The following KDM3B variants were observed in gnomAD, a reference collection of about 807,000 sequenced individuals.
The protein encoded by KDM3B is lysine demethylase 3B.
In KDM3B, 10 loss-of-function variants were observed where a neutral mutation model predicts 170.0. That is an observed-to-expected ratio of 0.06 (90% CI 0.04 to 0.10). The LOEUF is 0.10. KDM3B is among the 10% of genes least tolerant of loss of function. The pLI is 1.00. For synonymous variants in KDM3B, 831 were observed against 834.8 expected, an observed-to-expected ratio of 1.00 and a Z score of 0.08; for missense variants, 1,394 against 2,195.2, an observed-to-expected ratio of 0.64 and a Z score of 7.29.
chr5:138,425,425 G>C lies in KDM3B; in HGVS notation c.4254G>C (p.Ser1418=), dbSNP rs755137534. Residue 1418 remains serine (S), a synonymous_variant, in exon 17 of 24, where the codon TCG becomes TCC. Coordinates refer to ENST00000314358, the MANE Select transcript of KDM3B (RefSeq NM_016604.4). ...TGTTTCCACAGCCAGTGCTGGTTTC[G>C]GGGGTACATAAAAAGCTCAAGTCTG... ...CWKQGQPVLV[S]GVHKKLKSEL... The C allele has an allele frequency of 1.9e-6, 3 of 1,613,558 alleles. No homozygotes were observed. In the African/African-American group the frequency reaches 4.0e-5, roughly 22 times the overall value.
chr5:138,399,800 T>C, intron 10 of KDM3B, 60 bp from the exon 11 acceptor site: 1 of 1,544,816 alleles, frequency 6.5e-7, no homozygotes, highest in Non-Finnish European at 8.9e-7. Flanking sequence ...TCAGTGGGTC[T>C]GGGGTCTTTT....
chr5:138,374,442 T>C, intron 2 of KDM3B: 1 of 290,548 alleles, frequency 3.4e-6, no homozygotes, highest in South Asian at 2.6e-5. Flanking sequence ...GTATTTTTAG[T>C]AGAGACAGGG....
chr5:138,374,576 C>T, intron 2 of KDM3B, among the ~76,000 whole-genome samples: 1 of 152,152 alleles, frequency 6.6e-6, no homozygotes, highest in East Asian at 1.9e-4. Flanking sequence ...TTTTTAAGGC[C>T]ACTTTCCAGT....
intron 11 of KDM3B, among the ~76,000 whole-genome samples, chr5:138,411,545 A>G (rs1306923903): frequency 6.6e-6 from 1 of 152,106 alleles, no homozygotes; most frequent in Admixed American, 6.6e-5. Flanking sequence ...CATATACAAA[A>G]TACTAACTCT....
chr5:138,400,091 G>T, intron 11 of KDM3B, 79 bp downstream of exon 11: 20 of 1,444,048 alleles, frequency 1.4e-5, no homozygotes, highest in South Asian at 1.4e-4. Flanking sequence ...GAAAATTGAG[G>T]CAGGAATGGG....
intron 6 of KDM3B, among the ~76,000 whole-genome samples, chr5:138,384,740 C>CAAA (rs58389517): frequency 5.8e-5 from 5 of 85,926 alleles, no homozygotes; most frequent in African/African-American, 3.8e-5. Flanking sequence ...ACTCTTGTCT[C>CAAA]AAAAAAAAAA....
At position 138,424,809 on chromosome 5, in the gene KDM3B, C is replaced by T. The variant is rs1580954127; in HGVS notation, c.4239+468C>T. Among the ~76,000 whole-genome samples the T allele has an allele frequency of 2.0e-5, 3 of 152,198 alleles. 1 individual carries two copies. In the East Asian group the frequency reaches 5.8e-4, roughly 29 times the overall value. On this transcript the variant is annotated intron_variant, in intron 16 of 23. Transcript: ENST00000314358. ...TAAATAAATAATAAATAAATAAAAGCAAGGAGATTACTAAAAACACACTTT... is the reference window on the plus strand; with the variant it reads ...TAAATAAATAATAAATAAATAAAAGTAAGGAGATTACTAAAAACACACTTT...
Position 138,415,252 on chromosome 5 carries a change from CT to C in KDM3B, c.3307+19del, listed in dbSNP as rs1561788275. 6.4e-7 allele frequency: 1 copy of C among 1,551,688 alleles called. No individual in the cohort carries two copies. The highest frequency in any genetic ancestry group is 8.9e-7 in the Non-Finnish European group (1 of 1,129,908). ...ATTCCTGGCACAGGTAAGGAAATTC[CT>C]TTTTTAGATTTGGTGGAAGAAATGT... is the stretch of plus-strand genomic sequence containing the variant. On this transcript the variant is annotated intron_variant, in intron 12 of 23. Coordinates refer to ENST00000314358, the MANE Select transcript of KDM3B (RefSeq NM_016604.4).
chr5:138,396,866 C>T (rs1399545027), intron 9 of KDM3B, among the ~76,000 whole-genome samples: 1 of 152,086 alleles, frequency 6.6e-6, no homozygotes. Flanking sequence ...ATTAAGGACT[C>T]ACTTGATGTA....
chr5:138,372,888 T>C, intron 2 of KDM3B, 47 bp downstream of exon 2: 1 of 1,519,916 alleles, frequency 6.6e-7, no homozygotes, highest in East Asian at 2.3e-5. Context: ...TTTACTCCTA[T>C]AATATAACTA....
intron 11 of KDM3B, among the ~76,000 whole-genome samples, chr5:138,412,749 C>A (rs1001799176): frequency 4.6e-5 from 7 of 152,094 alleles, no homozygotes; most frequent in African/African-American, 1.7e-4. Flanking sequence ...CACTAGAGTC[C>A]AGCAGGAGGT....
At chr5:138,426,382 G>A (rs1389485041) in intron 17 of KDM3B, among the ~76,000 whole-genome samples, 3 of 151,292 alleles carry the variant, frequency 2.0e-5, no homozygotes, top group African/African-American at 7.3e-5. Flanking sequence ...AGACCATCCT[G>A]GCTAACATGG....
chr5:138,434,404 C>T (rs938371883), intron 23 of KDM3B, among the ~76,000 whole-genome samples: 1 of 152,020 alleles, frequency 6.6e-6, no homozygotes, highest in Non-Finnish European at 1.5e-5. Context: ...AAAAATTAGC[C>T]AGGCATGGTG....
At chr5:138,433,263 C>T (rs981610704) in intron 23 of KDM3B, among the ~76,000 whole-genome samples, 7 of 151,966 alleles carry the variant, frequency 4.6e-5, no homozygotes, top group African/African-American at 1.7e-4. Context: ...AGGCACCTGC[C>T]ACTGTGCCCG....
At chr5:138,399,069 T>C (rs892011935) in intron 10 of KDM3B, among the ~76,000 whole-genome samples, 5 of 151,278 alleles carry the variant, frequency 3.3e-5, no homozygotes, top group African/African-American at 1.2e-4. Context: ...TTTGTGTTTT[T>C]AGTAGGGACA....
At chr5:138,421,577 A>G (rs1026808894) in intron 15 of KDM3B, among the ~76,000 whole-genome samples, 2 of 152,226 alleles carry the variant, frequency 1.3e-5, no homozygotes, top group South Asian at 2.1e-4. Context: ...AGTTTTTGCA[A>G]TAAATTCCTT....
intron 9 of KDM3B, among the ~76,000 whole-genome samples, chr5:138,393,644 GTTCTA>G (rs1762485720): frequency 1.3e-5 from 2 of 152,150 alleles, no homozygotes; most frequent in South Asian, 4.1e-4. Context: ...ACTTGGGTTG[GTTCTA>G]TTTGAAACCA....
chr5:138,436,928 C>T lies in KDM3B; in HGVS notation c.*1228C>T, dbSNP rs895727357. On this transcript the variant is annotated 3_prime_UTR_variant, in exon 24 of 24. Coordinates refer to ENST00000314358, the MANE Select transcript of KDM3B (RefSeq NM_016604.4). ...TTTTTTTTTTTTTTTAAATAAAAGT[C>T]ATTTAATGTAGAATACTTTTAATTT... The T allele has an allele frequency of 2.7e-5, 4 of 148,378 alleles. No homozygotes were observed. Among genetic ancestry groups the T allele is most frequent in the Non-Finnish European group, 4.4e-5 (3 of 67,448 alleles). 9.2% of individuals were successfully genotyped at this position (148,378 alleles called of 1,614,324 possible).
In KDM3B at chr5:138,427,842, A is replaced by G. The variant is rs191332905; in HGVS notation, c.4634-125A>G. 48 of 856,878 alleles carry G rather than the reference A, an allele frequency of 5.6e-5. No homozygotes were observed. In the Middle Eastern group the frequency reaches 2.9e-3, roughly 52 times the overall value. The allele number at this position is 856,878 out of a possible 1,614,324, so 53.1% of individuals were successfully genotyped here. ...ATGAAAGTGATTTCTTCATAAACAA[A>G]TAGACTTCACTCTCCTAATTTTACT... On this transcript the variant is annotated intron_variant, in intron 19 of 23. Transcript: ENST00000314358.
Sources: allele counts gnomAD v4.1 joint callset (sites outside exome capture counted in the v4.1 genomes callset), GRCh38; gene constraint gnomAD v4.1.1; transcripts MANE v1.5; gene names NCBI Gene and HGNC (gene_info 2026-07-23, HGNC 2026-07-21).